ZMYM5: variants seen among roughly 807,000 people sequenced by gnomAD.
ZMYM5 encodes the protein zinc finger MYM-type containing 5.
Under a neutral mutation model 61.8 loss-of-function variants are expected in ZMYM5, and 41 were observed. The ratio of observed to expected loss-of-function variants is 0.66; its 90% confidence interval spans 0.52 to 0.86. The LOEUF (loss-of-function observed/expected upper bound fraction) is 0.86, where lower values mean the gene tolerates loss of function less well. Among genes scored for constraint, ZMYM5 ranks in the 40% least tolerant of loss-of-function variants. ZMYM5 has a pLI of 0.00. For missense variants in ZMYM5, 706 were observed against 786.7 expected, an observed-to-expected ratio of 0.90 and a Z score of 1.23; for synonymous variants, 257 against 276.4, an observed-to-expected ratio of 0.93 and a Z score of 0.70.
Position 19,863,613 on chromosome 13 carries a change from G to A in ZMYM5, c.-242C>T, listed in dbSNP as rs9578228. ...GCTTCGGCGACAAGCACAACTCCGC[G>A]AGGTCCAGTCCCGGCTTTTCGCGCT... On this transcript the variant is annotated 5_prime_UTR_variant, in exon 1 of 8. Coordinates refer to ENST00000337963, the MANE Select transcript of ZMYM5 (RefSeq NM_001142684.2). The A allele has an allele frequency of 1.3e-5, 2 of 152,562 alleles. No individual in the cohort carries two copies. The highest frequency in any genetic ancestry group is 2.9e-5 in the Non-Finnish European group (2 of 68,242). The allele number at this position is 152,562 out of a possible 1,614,324, so 9.5% of individuals were successfully genotyped here.
chr13:19,853,630 T>G (rs901911099), intron 2 of ZMYM5, among the ~76,000 whole-genome samples: 1 of 150,638 alleles, frequency 6.6e-6, no homozygotes, highest in Admixed American at 6.6e-5. Flanking sequence ...TTTTTTTTTG[T>G]CCTGTCTCAC....
At position 19,837,572 on chromosome 13, in the gene ZMYM5, T is replaced by C. The variant is rs753627688; in HGVS notation, c.1038+84A>G. 15 of 1,609,258 alleles carry C rather than the reference T, an allele frequency of 9.3e-6. No homozygotes were observed. The East Asian group carries it at 2.5e-4, about 26-fold the overall frequency. ...ATACATCCAGAACACGTGCATTATG[T>C]AGATGAAAGAGTACATAATAGCACT... On this transcript the variant is annotated intron_variant, in intron 6 of 7. Transcript: ENST00000337963.
At chr13:19,847,637 T>C (rs1027423919) in intron 4 of ZMYM5, among the ~76,000 whole-genome samples, 1 of 146,582 alleles carries the variant, frequency 6.8e-6, no homozygotes, top group African/African-American at 2.6e-5. Flanking sequence ...ATAGTTTTAA[T>C]TTTTCTTTTT....
chr13:19,845,374 C>G (rs920235266), intron 4 of ZMYM5, among the ~76,000 whole-genome samples: 2 of 152,226 alleles, frequency 1.3e-5, no homozygotes, highest in Non-Finnish European at 2.9e-5. Context: ...TGCAAAACCT[C>G]TGGCAATGGC....
chr13:19,851,471 T>C (rs773765304), intron 3 of ZMYM5, 23 bp from the exon 4 acceptor site: 1 of 1,610,674 alleles, frequency 6.2e-7, no homozygotes, highest in African/African-American at 1.3e-5. Flanking sequence ...AGATGGGGTG[T>C]ACGTTTGTAT....
At chr13:19,843,719 C>T (rs974601190) in intron 4 of ZMYM5, 2 of 152,160 alleles carry the variant, frequency 1.3e-5, no homozygotes, top group Non-Finnish European at 2.9e-5. Flanking sequence ...GCCTGTAATC[C>T]CAGCTACTAG....
At chr13:19,844,444 TA>T (rs1217507587) in intron 4 of ZMYM5, among the ~76,000 whole-genome samples, 2 of 152,206 alleles carry the variant, frequency 1.3e-5, no homozygotes. Context: ...GTTTAACTAT[TA>T]ATAAGACATG....
In ZMYM5 at chr13:19,851,994, T is replaced by G. The variant is rs767951610; in HGVS notation, c.187A>C (p.Ile63Leu). Residue 63 changes from isoleucine (I) to leucine (L), a missense_variant, in exon 3 of 8, where the codon ATT (isoleucine) becomes CTT (leucine). Ile to Leu is a conservative substitution (Grantham distance 5). This residue lies in a region of ZMYM5 where 480 missense variants were observed against 461.7 expected (regional missense o/e 1.04). Transcript: ENST00000337963. ...DDDDDDDVVFIESIQPPSISA... is the reference protein window; with the variant it reads ...DDDDDDDVVFLESIQPPSISA... ...ATTGAAGGAGGTTGTATAGATTCAA[T>G]AAACACAACATCATCATCATCATCA... is the stretch of plus-strand genomic sequence containing the variant. The G allele has an allele frequency of 1.2e-6, 2 of 1,613,882 alleles. No homozygotes were observed. The highest frequency in any genetic ancestry group is 2.7e-5 in the African/African-American group (2 of 74,930).
chr13:19,851,908 C>G lies in ZMYM5; in HGVS notation c.273G>C (p.Lys91Asn). The change falls in exon 3 of 8, where the codon AAG becomes AAC. Residue 91 changes from lysine (K) to asparagine (N), a missense_variant. Coordinates refer to ENST00000337963, the MANE Select transcript of ZMYM5 (RefSeq NM_001142684.2). ...NFIFASSKNE[K>N]PQGNYSVIPP... The stretch of plus-strand genomic sequence containing the variant: ...GAATTACAGAATAATTTCCTTGAGG[C>G]TTTTCATTTTTTGATGATGCAAATA... 6.2e-7 allele frequency: 1 copy of G among 1,612,842 alleles called. No homozygotes were observed. Among genetic ancestry groups the G allele is most frequent in the Non-Finnish European group, 8.5e-7 (1 of 1,179,774 alleles).
At chr13:19,828,201 C>T (rs1201989420) in intron 7 of ZMYM5, among the ~76,000 whole-genome samples, 1 of 151,916 alleles carries the variant, frequency 6.6e-6, no homozygotes, top group South Asian at 2.1e-4. Context: ...GGGCCAGGTG[C>T]GGTGGCTCAC....
At chr13:19,859,619 G>A (rs1313173285) in intron 2 of ZMYM5, among the ~76,000 whole-genome samples, 3 of 151,458 alleles carry the variant, frequency 2.0e-5, no homozygotes, top group South Asian at 2.1e-4. Flanking sequence ...GTGTTAGCCA[G>A]GATGGTCTCA....
intron 7 of ZMYM5, among the ~76,000 whole-genome samples, chr13:19,832,955 A>G (rs947750348): frequency 4.3e-5 from 6 of 139,296 alleles, no homozygotes; most frequent in Admixed American, 1.4e-4. Flanking sequence ...GTTGGTCTCC[A>G]ACTCCTGGAC....
rs186982277 is a variant in ZMYM5 at position 19,835,866 on chromosome 13, C to A, written c.1039-177G>T. On this transcript the variant is annotated intron_variant, in intron 6 of 7. Coordinates refer to ENST00000337963, the MANE Select transcript of ZMYM5 (RefSeq NM_001142684.2). The stretch of plus-strand genomic sequence containing the variant: ...TGAGATAGAGTCTCACTCTGTCACT[C>A]AGGCTGGAGTGCAGTGGCACAATCT... 1.8e-3 allele frequency among the ~76,000 whole-genome samples: 273 copies of A among 151,952 alleles called. 2 individuals carry two copies. The highest frequency in any genetic ancestry group is 6.4e-3 in the African/African-American group (267 of 41,426).
intron 4 of ZMYM5, among the ~76,000 whole-genome samples, chr13:19,847,515 A>T (rs1953116564): frequency 6.6e-6 from 1 of 152,194 alleles, no homozygotes; most frequent in Non-Finnish European, 1.5e-5. Flanking sequence ...GATTTTAAAG[A>T]GATTTGCAAA....
At chr13:19,827,075 C>CT (rs1339566746) in intron 7 of ZMYM5, among the ~76,000 whole-genome samples, 1 of 152,056 alleles carries the variant, frequency 6.6e-6, no homozygotes, top group Non-Finnish European at 1.5e-5. Flanking sequence ...TTGCCTAGAA[C>CT]TTTGGAGGAG....
intron 2 of ZMYM5, among the ~76,000 whole-genome samples, chr13:19,860,854 AAAT>A (rs1196239054): frequency 6.6e-6 from 1 of 151,198 alleles, no homozygotes; most frequent in Non-Finnish European, 1.5e-5. Context: ...ATAAAGGAAA[AAAT>A]AAAGAGGATA....
chr13:19,860,430 T>TTGTGTG (rs760244753), intron 2 of ZMYM5, among the ~76,000 whole-genome samples: 130 of 133,670 alleles, frequency 9.7e-4, no homozygotes, highest in African/African-American at 1.8e-3. Context: ...CCGGCTAATT[T>TTGTGTG]TGTGTGTGTG....
intron 1 of ZMYM5, among the ~76,000 whole-genome samples, chr13:19,863,101 G>A (rs566735347): frequency 2.4e-4 from 36 of 152,264 alleles, no homozygotes; most frequent in African/African-American, 8.2e-4. Context: ...ACCCGGCCGG[G>A]GCGCCCCTCC....
At chr13:19,863,141 G>C (rs955382104) in intron 1 of ZMYM5, among the ~76,000 whole-genome samples, 1 of 151,114 alleles carries the variant, frequency 6.6e-6, no homozygotes. Context: ...GCCACTATGC[G>C]GCAGGAGAGA....
Sources: gnomAD v4.1 joint callset for allele counts (sites outside exome capture counted in the v4.1 genomes callset) on GRCh38, gnomAD v4.1.1 for gene constraint, gnomAD v4.1.1 regional missense constraint, MANE v1.5 for transcripts, NCBI Gene and HGNC (gene_info 2026-07-23, HGNC 2026-07-21) for gene names.